NHS: variants seen among roughly 807,000 people sequenced by gnomAD.
NHS encodes the protein NHS actin remodeling regulator.
In NHS, 5 loss-of-function variants were observed where a neutral mutation model predicts 72.5. The ratio of observed to expected loss-of-function variants is 0.07; its 90% CI spans 0.04 to 0.14. The LOEUF (loss-of-function observed/expected upper bound fraction) is 0.14. NHS is among the 10% of genes least tolerant of loss of function. The pLI is 1.00. For missense variants in NHS, 1,072 were observed against 1,355.7 expected (o/e 0.79, Z 3.29); for synonymous variants, 464 against 547.7 (o/e 0.85, Z 2.13).
chrX:17,595,799 C>A (rs954268282), intron 1 of NHS, among the ~76,000 whole-genome samples: 3 of 112,348 alleles, frequency 2.7e-5, no homozygotes, highest in South Asian at 3.7e-4. Context: ...CATTTAACTT[C>A]TTTAATGGGC....
intron 3 of NHS, among the ~76,000 whole-genome samples, chrX:17,711,838 T>TA (rs1195133175): frequency 8.9e-6 from 1 of 112,124 alleles, no homozygotes; most frequent in African/African-American, 3.2e-5. Context: ...ACAATCTGTT[T>TA]ATCCATTCTG....
intron 1 of NHS, among the ~76,000 whole-genome samples, chrX:17,637,564 C>T (rs925698783): frequency 8.9e-6 from 1 of 112,010 alleles, no homozygotes; most frequent in Non-Finnish European, 1.9e-5. Flanking sequence ...ATCAAAGATG[C>T]CTTCAAGTAG....
intron 1 of NHS, among the ~76,000 whole-genome samples, chrX:17,387,135 T>C (rs1280591074): frequency 8.9e-6 from 1 of 112,270 alleles, no homozygotes; most frequent in Non-Finnish European, 1.9e-5. Flanking sequence ...TTGGGTATCA[T>C]TGTTGCAGCA....
chrX:17,576,168 C>T (rs1415641816), intron 1 of NHS, among the ~76,000 whole-genome samples: 1 of 111,531 alleles, frequency 9.0e-6, no homozygotes, highest in African/African-American at 3.3e-5. Context: ...CTCTCACTAT[C>T]CTCAGCCACC....
chrX:17,732,543 GA>G lies in NHS; in HGVS notation c.*83del, dbSNP rs2066496194. On this transcript the variant is annotated 3_prime_UTR_variant, in exon 9 of 9. Coordinates refer to ENST00000676302, the MANE Select transcript of NHS (RefSeq NM_001291867.2). ...TGGAGGAACAGAACAGAGGACTTGG[GA>G]AAAGTCTCAACTTGATGGGGTAGCA... The G allele has an allele frequency of 4.2e-6, 5 of 1,185,519 alleles. No homozygotes were observed. The highest frequency in any genetic ancestry group is 5.7e-6 in the Non-Finnish European group (5 of 872,397).
rs750450105 is a variant in NHS at position 17,729,161 on chromosome X, A to T, written c.4349+386A>T. Among the ~76,000 whole-genome samples the T allele has an allele frequency of 5.4e-5, 6 of 111,841 alleles. No homozygotes were observed. The South Asian group carries it at 2.2e-3, about 41-fold the overall frequency. On this transcript the variant is annotated intron_variant, in intron 8 of 8. Transcript: ENST00000676302. ...TCTTGAACCTAAAAAATATGATCAA[A>T]GCTGTAGTCATACACCAGCAGAGAC...
intron 1 of NHS, among the ~76,000 whole-genome samples, chrX:17,499,620 G>A (rs770416540): frequency 1.8e-5 from 2 of 111,339 alleles, no homozygotes; most frequent in East Asian, 5.7e-4. Flanking sequence ...ACCTGTAAGA[G>A]TATGAAGGAA....
At chrX:17,447,396 ATT>A (rs780098067) in intron 1 of NHS, among the ~76,000 whole-genome samples, 8 of 107,663 alleles carry the variant, frequency 7.4e-5, no homozygotes, top group Admixed American at 2.0e-4. Context: ...GCGTTGGTTG[ATT>A]TTTTTTTTCC....
chrX:17,622,873 G>T (rs889382512), intron 1 of NHS, among the ~76,000 whole-genome samples: 2 of 111,236 alleles, frequency 1.8e-5, no homozygotes, highest in Non-Finnish European at 3.8e-5. Flanking sequence ...GGCTCCACGG[G>T]CGGGCCAATG....
At chrX:17,625,549 A>C (rs1431960585) in intron 1 of NHS, among the ~76,000 whole-genome samples, 1 of 112,182 alleles carries the variant, frequency 8.9e-6, no homozygotes, top group Non-Finnish European at 1.9e-5. Context: ...TTCTTAGCTG[A>C]TTAAAAACCC....
intron 1 of NHS, among the ~76,000 whole-genome samples, chrX:17,475,377 G>A (rs1450442634): frequency 8.9e-6 from 1 of 112,395 alleles, no homozygotes; most frequent in African/African-American, 3.2e-5. Context: ...AAGAGAGCAG[G>A]CCTCGGCCTC....
At chrX:17,568,547 C>T (rs766675297) in intron 1 of NHS, among the ~76,000 whole-genome samples, 28 of 101,044 alleles carry the variant, frequency 2.8e-4, no homozygotes, top group African/African-American at 9.6e-4. Flanking sequence ...ATTAATGAAA[C>T]GAAAGTTTAT....
chrX:17,561,748 A>G (rs1340189994), intron 1 of NHS, among the ~76,000 whole-genome samples: 2 of 107,391 alleles, frequency 1.9e-5, no homozygotes, highest in South Asian at 8.4e-4. Context: ...TGAAGTTTTA[A>G]TGAGAAATAA....
intron 1 of NHS, among the ~76,000 whole-genome samples, chrX:17,640,609 G>A (rs1357898798): frequency 1.8e-5 from 2 of 112,066 alleles, no homozygotes; most frequent in East Asian, 2.8e-4. Flanking sequence ...AATTGAGTGA[G>A]GAGGAAGTTT....
chrX:17,430,301 TTCTTTCTTTCTTTCC>T (rs2064685983), intron 1 of NHS, among the ~76,000 whole-genome samples: 6 of 87,500 alleles, frequency 6.9e-5, no homozygotes, highest in African/African-American at 2.7e-4. Context: ...CTTTCTTTCT[TTCTTTCTTTCTTTCC>T]TTTCTTTCTT....
intron 1 of NHS, among the ~76,000 whole-genome samples, chrX:17,524,001 G>T (rs1291981728): frequency 9.0e-6 from 1 of 111,717 alleles, no homozygotes; most frequent in East Asian, 2.8e-4. Context: ...AAGAGAGCTG[G>T]CTCTCTGCTG....
intron 1 of NHS, among the ~76,000 whole-genome samples, chrX:17,409,726 C>T (rs2064548127): frequency 8.9e-6 from 1 of 111,750 alleles, no homozygotes; most frequent in African/African-American, 3.3e-5. Context: ...AGAAGTGCCA[C>T]ATACCACTTT....
chrX:17,668,492 G>A (rs190816717), intron 1 of NHS, among the ~76,000 whole-genome samples: 4 of 111,574 alleles, frequency 3.6e-5, no homozygotes, highest in Admixed American at 2.9e-4. Context: ...TGGCTTTGCT[G>A]TTCCTCAAAC....
rs950870897 is a variant in NHS, at chrX:17,732,442, G to A, written c.4934G>A (p.Arg1645His). Residue 1645 changes from arginine (R) to histidine (H), a missense_variant, in exon 9 of 9, where the codon CGT becomes CAT. Arg to His is a conservative substitution (Grantham distance 29, BLOSUM62 0). Coordinates refer to ENST00000676302, the MANE Select transcript of NHS (RefSeq NM_001291867.2). ...TCTGACGGGAGCCCACATGACGACC[G>A]TTCCTCCCAGAGTTCAACATAGACT... Reference protein sequence around the residue: ...ENSDGSPHDDRSSQSST With the variant: ...ENSDGSPHDDHSSQSST 1.3e-5 allele frequency: 16 copies of A among 1,211,175 alleles called. No individual in the cohort carries two copies. The South Asian group carries it at 1.4e-4, about 11-fold the overall frequency.
Sources: allele counts gnomAD v4.1 joint callset (sites outside exome capture counted in the v4.1 genomes callset), GRCh38; gene constraint gnomAD v4.1.1; transcripts MANE v1.5; gene names NCBI Gene and HGNC (gene_info 2026-07-23, HGNC 2026-07-21).